MYO16: variants seen among roughly 807,000 people sequenced by gnomAD.
The protein encoded by MYO16 is myosin XVI, also known as unconventional myosin-XVI.
A neutral mutation model predicts 205.3 loss-of-function variants in MYO16; 94 were observed. The observed-to-expected ratio is 0.46, with a 90% CI of 0.39 to 0.54. MYO16 has a LOEUF of 0.54. MYO16 is among the 20% of genes least tolerant of loss of function. The pLI is 0.00. For synonymous variants in MYO16, 988 were observed against 954.0 expected (o/e 1.04, Z -0.66); for missense variants, 2,315 against 2,387.5 (o/e 0.97, Z 0.63).
the MYO16 span, among the ~76,000 whole-genome samples, chr13:108,528,821 T>G: frequency 6.7e-6 from 1 of 149,488 alleles, no homozygotes; most frequent in African/African-American, 2.5e-5. Context: ...AAAATGAAGT[T>G]TTCAGCTTTT....
At chr13:108,498,838 T>A in the MYO16 span, among the ~76,000 whole-genome samples, 1 of 152,180 alleles carries the variant, frequency 6.6e-6, no homozygotes, top group East Asian at 1.9e-4. Flanking sequence ...TAGTATCTCA[T>A]TTGATCCTCA....
At chr13:108,609,114 G>A (rs918325754) in intron 1 of MYO16, among the ~76,000 whole-genome samples, 1 of 152,048 alleles carries the variant, frequency 6.6e-6, no homozygotes, top group Non-Finnish European at 1.5e-5. Flanking sequence ...CTCACTGGCC[G>A]ACAACTCAAG....
intron 16 of MYO16, among the ~76,000 whole-genome samples, chr13:108,941,467 A>G (rs1349494921): frequency 1.3e-5 from 2 of 152,108 alleles, no homozygotes; most frequent in Non-Finnish European, 1.5e-5. Context: ...ATTTGAGGTC[A>G]GGAGTTCAAG....
At chr13:108,919,672 C>T (rs1022836758) in intron 16 of MYO16, among the ~76,000 whole-genome samples, 3 of 152,236 alleles carry the variant, frequency 2.0e-5, no homozygotes, top group Non-Finnish European at 2.9e-5. Flanking sequence ...TCCAGCCTCA[C>T]TTCTGCAGTC....
At position 108,682,740 on chromosome 13, in the gene MYO16, T is replaced by G. The variant is rs562999099; in HGVS notation, c.292+16591T>G. Among the ~76,000 whole-genome samples, 4 of 152,190 alleles carry G rather than the reference T, an allele frequency of 2.6e-5. No homozygotes were observed. In the East Asian group the frequency reaches 7.8e-4, roughly 30 times the overall value. ...GGGCAGAGCCTTCGGTGGTAGATTC[T>G]GGGTGCTTATCACAAGGGACAGTAA... On this transcript the variant is annotated intron_variant, in intron 2 of 34. Coordinates refer to ENST00000457511, the MANE Select transcript of MYO16 (RefSeq NM_001198950.3).
intron 19 of MYO16, 132 bp from the exon 20 acceptor site, chr13:108,964,629 G>T (rs1230864398): frequency 1.0e-6 from 1 of 975,522 alleles, no homozygotes; most frequent in East Asian, 2.4e-5. Flanking sequence ...TCATTTATGA[G>T]AATCCGTATA....
the MYO16 span, among the ~76,000 whole-genome samples, chr13:108,545,808 C>T: frequency 6.6e-6 from 1 of 152,112 alleles, no homozygotes; most frequent in East Asian, 1.9e-4. Context: ...CAATGAAGAC[C>T]TTGGCATGTT....
At chr13:108,590,841 G>A in the MYO16 span, among the ~76,000 whole-genome samples, 1 of 152,224 alleles carries the variant, frequency 6.6e-6, no homozygotes, top group East Asian at 1.9e-4. Context: ...CCTTCAGAAG[G>A]AGCACAACCT....
chr13:108,975,536 C>T (rs913984181), intron 20 of MYO16, among the ~76,000 whole-genome samples: 5 of 152,040 alleles, frequency 3.3e-5, no homozygotes, highest in South Asian at 2.1e-4. Context: ...TTTCAAGGGA[C>T]GCAGCCATCA....
At chr13:109,083,383 CAAAAAAAAAAAAAAAAAAAAAAAAA>C (rs71125367) in intron 27 of MYO16, among the ~76,000 whole-genome samples, 36 of 52,298 alleles carry the variant, frequency 6.9e-4, no homozygotes, top group African/African-American at 3.0e-3. Context: ...AACTCCGTCT[CAAAAAAAAAAAAAAAAAAAAAAAAA>C]AAAAAAAAAA....
intron 33 of MYO16, among the ~76,000 whole-genome samples, chr13:109,173,507 G>A (rs979475981): frequency 3.3e-5 from 5 of 152,182 alleles, no homozygotes; most frequent in African/African-American, 1.2e-4. Context: ...TATTGTGGCA[G>A]AAATGTGAAT....
At position 108,938,197 on chromosome 13, in the gene MYO16, CT is replaced by C. The variant is rs1004706917; in HGVS notation, c.1926-19483del. The stretch of plus-strand genomic sequence containing the variant: ...GGCTTTGCCTGTGTACACCTATGTA[CT>C]TTTTTTTGGCAGGTTTTATGCTGAA... On this transcript the variant is annotated intron_variant, in intron 16 of 34. Transcript: ENST00000457511. 3.3e-5 allele frequency among the ~76,000 whole-genome samples: 5 copies of C among 151,964 alleles called. No individual in the cohort carries two copies. In the South Asian group the frequency reaches 6.2e-4, roughly 19 times the overall value.
chr13:108,519,431 T>C, the MYO16 span, among the ~76,000 whole-genome samples: 1 of 152,184 alleles, frequency 6.6e-6, no homozygotes, highest in Non-Finnish European at 1.5e-5. Context: ...TCTGTTTGTT[T>C]CTTCCTTTTT....
chr13:109,163,247 G>C (rs1292410740), intron 32 of MYO16, among the ~76,000 whole-genome samples: 1 of 152,188 alleles, frequency 6.6e-6, no homozygotes. Flanking sequence ...TGGGTAGGAA[G>C]ACTTGGGGTT....
intron 21 of MYO16, among the ~76,000 whole-genome samples, chr13:108,999,771 T>C (rs1320140165): frequency 6.6e-6 from 1 of 152,158 alleles, no homozygotes; most frequent in Non-Finnish European, 1.5e-5. Flanking sequence ...AAGGTCTGAA[T>C]TCAGGTTTAA....
At chr13:108,614,843 C>T (rs946927269) in intron 1 of MYO16, among the ~76,000 whole-genome samples, 4 of 80,544 alleles carry the variant, frequency 5.0e-5, no homozygotes, top group African/African-American at 1.4e-4. Flanking sequence ...GAACTAAATG[C>T]AGTGGCTACA....
chr13:109,054,915 T>G (rs1887362365), intron 25 of MYO16, 131 bp from the exon 26 acceptor site: 1 of 567,262 alleles, frequency 1.8e-6, no homozygotes, highest in Non-Finnish European at 3.1e-6. Flanking sequence ...TCTTTTCTTC[T>G]TCCTTCCTTC....
intron 27 of MYO16, among the ~76,000 whole-genome samples, chr13:109,069,062 C>T (rs1249752363): frequency 6.6e-6 from 1 of 152,098 alleles, no homozygotes; most frequent in Non-Finnish European, 1.5e-5. Flanking sequence ...GATCCTGTAA[C>T]CAGAATAAAT....
chr13:109,025,194 C>T (rs1332297150), intron 23 of MYO16, among the ~76,000 whole-genome samples: 2 of 152,124 alleles, frequency 1.3e-5, no homozygotes, highest in East Asian at 3.8e-4. Flanking sequence ...CATTACATTT[C>T]ATAGGAAGGA....
Sources: allele counts gnomAD v4.1 joint callset (sites outside exome capture counted in the v4.1 genomes callset), GRCh38; gene constraint gnomAD v4.1.1; transcripts MANE v1.5; gene names NCBI Gene and HGNC (gene_info 2026-07-23, HGNC 2026-07-21).